The following CNGB3 variants were observed in gnomAD, a reference collection of about 807,000 sequenced individuals.
CNGB3 encodes cyclic nucleotide-gated channel beta-3.
Under a neutral mutation model 92.8 loss-of-function variants are expected in CNGB3, and 86 were observed. That is an observed-to-expected ratio of 0.93 (90% CI 0.78 to 1.11). The LOEUF (loss-of-function observed/expected upper bound fraction) is 1.11, where lower values mean the gene tolerates loss of function less well. Ranked by LOEUF, CNGB3 falls within the 50% of genes least tolerant of loss-of-function variation. CNGB3 has a pLI of 0.00. For synonymous variants in CNGB3, 333 were observed against 332.7 expected (o/e 1.00, Z -0.01); for missense variants, 1,026 against 956.8 (o/e 1.07, Z -0.95).
At chr8:86,660,417 T>A in intron 6 of CNGB3, 1 of 475,220 alleles carries the variant, frequency 2.1e-6, no homozygotes, top group Non-Finnish European at 4.3e-6. Flanking sequence ...AGGGCCACAC[T>A]AGAACTCAGA....
chr8:86,659,124 T>C lies in CNGB3; in HGVS notation c.853-5062A>G, dbSNP rs1823578222. 3.5e-5 allele frequency: 25 copies of C among 719,318 alleles called. No individual in the cohort carries two copies. The South Asian group carries it at 3.7e-4, about 11-fold the overall frequency. The allele number at this position is 719,318 out of a possible 1,614,324, so 44.6% of individuals were successfully genotyped here. A position where few individuals can be genotyped will look rare whatever the true frequency, so the allele number is the denominator to read the frequency against. On this transcript the variant is annotated intron_variant, in intron 6 of 17. Coordinates refer to ENST00000320005, the MANE Select transcript of CNGB3 (RefSeq NM_019098.5). ...TTCCCTCAGTTTGGCCAAGCTGGTC[T>C]CCAGCTCCTGTACCCGAGTCATGCT...
intron 3 of CNGB3, among the ~76,000 whole-genome samples, chr8:86,720,092 G>C (rs973315513): frequency 2.6e-5 from 4 of 152,096 alleles, no homozygotes; most frequent in African/African-American, 9.7e-5. Context: ...CCTAGGAAAA[G>C]ACTTCATGAC....
chr8:86,657,812 C>T (rs1236147629), intron 6 of CNGB3: 12 of 504,992 alleles, frequency 2.4e-5, no homozygotes, highest in Admixed American at 2.1e-4. Context: ...TGATGTATTC[C>T]TTCTGGTGCC....
intron 3 of CNGB3, among the ~76,000 whole-genome samples, chr8:86,677,279 T>G (rs1823994854): frequency 6.6e-6 from 1 of 152,178 alleles, no homozygotes; most frequent in South Asian, 2.1e-4. Flanking sequence ...ACTAACAGAG[T>G]TAGCAAAGCA....
chr8:86,699,372 T>C (rs1276416692), intron 3 of CNGB3, among the ~76,000 whole-genome samples: 1 of 152,154 alleles, frequency 6.6e-6, no homozygotes, highest in East Asian at 1.9e-4. Flanking sequence ...GTGCAGTGGC[T>C]CATTCCTATA....
chr8:86,605,373 G>T (rs1421219175), intron 14 of CNGB3, among the ~76,000 whole-genome samples: 1 of 151,990 alleles, frequency 6.6e-6, no homozygotes, highest in Non-Finnish European at 1.5e-5. Flanking sequence ...CTCTAAATAG[G>T]CCAGATTGCA....
intron 3 of CNGB3, among the ~76,000 whole-genome samples, chr8:86,715,199 G>A (rs1017681111): frequency 7.2e-5 from 11 of 152,006 alleles, no homozygotes; most frequent in East Asian, 3.9e-4. Flanking sequence ...CAGCTGATGC[G>A]CTCTTGAAAG....
intron 8 of CNGB3, 50 bp downstream of exon 8, chr8:86,647,751 A>C (rs745517262): frequency 2.1e-6 from 2 of 959,434 alleles, no homozygotes; most frequent in Admixed American, 1.7e-5. Flanking sequence ...ATAGGGAAAT[A>C]GAAATATTTC....
chr8:86,627,961 T>C (rs187949995), intron 12 of CNGB3, among the ~76,000 whole-genome samples: 18 of 152,350 alleles, frequency 1.2e-4, no homozygotes, highest in Admixed American at 5.9e-4. Flanking sequence ...ATGAAGACCT[T>C]TATGATGATC....
chr8:86,659,241 G>T, intron 6 of CNGB3: 1 of 755,626 alleles, frequency 1.3e-6, no homozygotes. Flanking sequence ...CAGATTTTCA[G>T]TATATTGGTC....
intron 6 of CNGB3, chr8:86,660,141 C>A (rs986407897): frequency 3.3e-6 from 1 of 303,778 alleles, no homozygotes; most frequent in South Asian, 3.9e-5. Context: ...TGAATGGCAA[C>A]CACCAGAAGT....
intron 8 of CNGB3, among the ~76,000 whole-genome samples, chr8:86,646,304 C>T (rs1366723058): frequency 8.0e-5 from 12 of 150,904 alleles, no homozygotes; most frequent in Admixed American, 7.9e-4. Context: ...CTAGAGTTGT[C>T]TCAGATGTTT....
At chr8:86,658,782 G>A in intron 6 of CNGB3, 1 of 521,018 alleles carries the variant, frequency 1.9e-6, no homozygotes, top group Admixed American at 2.7e-5. Context: ...CTGCAACTTG[G>A]CCAGCTGCTC....
rs142940176 is a variant in CNGB3, at chr8:86,687,718, T to A, written c.339-16620A>T. Among the ~76,000 whole-genome samples, 145 of 152,108 alleles carry A rather than the reference T, an allele frequency of 9.5e-4. 1 individual carries two copies. The highest frequency in any genetic ancestry group is 3.4e-3 in the African/African-American group (140 of 41,534). On this transcript the variant is annotated intron_variant, in intron 3 of 17. Transcript: ENST00000320005. ...ATTTCCCCTCAATCAATTATTTTTT[T>A]AAAATCCACCATTATTCATCCACTC...
intron 12 of CNGB3, among the ~76,000 whole-genome samples, chr8:86,626,464 T>C (rs1822850122): frequency 6.6e-6 from 1 of 152,272 alleles, no homozygotes. Flanking sequence ...ATTCAAGGGA[T>C]GGCAAATAAT....
intron 14 of CNGB3, among the ~76,000 whole-genome samples, chr8:86,611,380 CTATAA>C (rs748195650): frequency 1.2e-4 from 18 of 152,224 alleles, no homozygotes; most frequent in African/African-American, 2.2e-4. Flanking sequence ...CACTTCTATC[CTATAA>C]TATAAGTAAT....
intron 6 of CNGB3, among the ~76,000 whole-genome samples, chr8:86,663,621 A>AT (rs1157700518): frequency 6.6e-6 from 1 of 152,188 alleles, no homozygotes; most frequent in Non-Finnish European, 1.5e-5. Flanking sequence ...TATTTAATAA[A>AT]TGTCTCTTGA....
intron 6 of CNGB3, chr8:86,657,771 T>C: frequency 2.1e-6 from 1 of 486,062 alleles, no homozygotes; most frequent in Non-Finnish European, 4.1e-6. Context: ...CAGCTTCACC[T>C]TCATCTCCTC....
intron 15 of CNGB3, among the ~76,000 whole-genome samples, chr8:86,584,666 C>T (rs1393783085): frequency 6.6e-6 from 1 of 151,926 alleles, no homozygotes. Context: ...CCCAGCCCCA[C>T]ATAGAGTTTC....
Sources: allele counts gnomAD v4.1 joint callset (sites outside exome capture counted in the v4.1 genomes callset), GRCh38; gene constraint gnomAD v4.1.1; transcripts MANE v1.5; gene names NCBI Gene and HGNC (gene_info 2026-07-23, HGNC 2026-07-21).